Variants in ERBB4 observed in about 807,000 individuals in gnomAD.
The protein encoded by ERBB4 is receptor tyrosine-protein kinase erbB-4.
ERBB4 carries 42 observed loss-of-function variants against 158.0 expected under a neutral mutation model. That is an observed-to-expected ratio of 0.27 (90% CI 0.21 to 0.34). The LOEUF is 0.34. Among genes scored for constraint, ERBB4 ranks in the 10% least tolerant of loss-of-function variants. The pLI is 1.00. For synonymous variants in ERBB4, 583 were observed against 558.7 expected (o/e 1.04, Z -0.61); for missense variants, 1,333 against 1,624.1 (o/e 0.82, Z 3.08).
At chr2:211,434,606 T>C (rs946723122) in intron 20 of ERBB4, among the ~76,000 whole-genome samples, 4 of 152,156 alleles carry the variant, frequency 2.6e-5, no homozygotes, top group African/African-American at 9.7e-5. Flanking sequence ...CACTCTACAA[T>C]ACAAGAAAAA....
intron 1 of ERBB4, among the ~76,000 whole-genome samples, chr2:212,268,390 CATTA>C (rs1399507528): frequency 6.6e-6 from 1 of 151,846 alleles, no homozygotes; most frequent in Non-Finnish European, 1.5e-5. Flanking sequence ...CTCTTTGAAA[CATTA>C]ATTTTCGTAT....
At chr2:211,522,760 T>A (rs1450918393) in intron 20 of ERBB4, among the ~76,000 whole-genome samples, 1 of 152,152 alleles carries the variant, frequency 6.6e-6, no homozygotes, top group African/African-American at 2.4e-5. Flanking sequence ...CATTCTCTTT[T>A]TTTAGCAATA....
intron 14 of ERBB4, among the ~76,000 whole-genome samples, chr2:211,666,708 T>C (rs1327475787): frequency 6.6e-6 from 1 of 152,198 alleles, no homozygotes; most frequent in Non-Finnish European, 1.5e-5. Context: ...TTGGACACCA[T>C]ATTGTCTTAA....
At chr2:211,838,891 T>G (rs1355826101) in intron 3 of ERBB4, among the ~76,000 whole-genome samples, 6 of 152,074 alleles carry the variant, frequency 3.9e-5, no homozygotes, top group Non-Finnish European at 8.8e-5. Context: ...CTCTGATTTT[T>G]CACCCAAGGA....
chr2:211,415,033 TTTA>T (rs1228288657), intron 25 of ERBB4, among the ~76,000 whole-genome samples: 2 of 151,460 alleles, frequency 1.3e-5, no homozygotes, highest in Non-Finnish European at 2.9e-5. Context: ...TATTACTATT[TTTA>T]TTATTTCATA....
intron 19 of ERBB4, among the ~76,000 whole-genome samples, chr2:211,585,940 G>A (rs1466661345): frequency 6.6e-6 from 1 of 152,146 alleles, no homozygotes; most frequent in Non-Finnish European, 1.5e-5. Flanking sequence ...TACTGAGATT[G>A]GGATTATCAT....
chr2:211,748,298 T>C (rs2075032010), intron 5 of ERBB4, among the ~76,000 whole-genome samples: 1 of 152,156 alleles, frequency 6.6e-6, no homozygotes, highest in South Asian at 2.1e-4. Flanking sequence ...TAATTAATAG[T>C]GTTATTGAAT....
intron 16 of ERBB4, among the ~76,000 whole-genome samples, chr2:211,648,645 G>A (rs371079214): frequency 5.3e-5 from 8 of 151,782 alleles, no homozygotes; most frequent in African/African-American, 1.7e-4. Context: ...TTTTTCTTGG[G>A]AGAAATCACT....
chr2:212,413,124 T>C (rs376203314), intron 1 of ERBB4, among the ~76,000 whole-genome samples: 3 of 147,650 alleles, frequency 2.0e-5, no homozygotes, highest in East Asian at 2.0e-4. Context: ...CACACCACCA[T>C]GCGTGGCTAA....
chr2:211,452,906 C>A (rs1451105293), intron 20 of ERBB4, among the ~76,000 whole-genome samples: 6 of 152,112 alleles, frequency 3.9e-5, no homozygotes, highest in Non-Finnish European at 5.9e-5. Flanking sequence ...ATGTGTGATT[C>A]CATCTCAACA....
intron 1 of ERBB4, among the ~76,000 whole-genome samples, chr2:212,325,950 G>C (rs760797702): frequency 1.3e-5 from 2 of 150,454 alleles, no homozygotes; most frequent in Non-Finnish European, 3.0e-5. Flanking sequence ...CTATTACCAA[G>C]ACATGCCCAA....
At chr2:212,480,111 G>A (rs1347932255) in intron 1 of ERBB4, among the ~76,000 whole-genome samples, 1 of 152,048 alleles carries the variant, frequency 6.6e-6, no homozygotes, top group East Asian at 1.9e-4. Flanking sequence ...CTGTCTCTAG[G>A]CAAGTGAACA....
At chr2:212,326,921 G>C (rs1473637110) in intron 1 of ERBB4, among the ~76,000 whole-genome samples, 1 of 150,910 alleles carries the variant, frequency 6.6e-6, no homozygotes, top group Non-Finnish European at 1.5e-5. Context: ...CAGGAACGAA[G>C]GAATTCTAAC....
At position 211,433,177 on chromosome 2, in the gene ERBB4, A is replaced by G. The variant is rs116403886; in HGVS notation, c.2488-2077T>C. 2.4e-3 allele frequency among the ~76,000 whole-genome samples: 372 copies of G among 152,352 alleles called. 2 individuals are homozygous for G. The highest frequency in any genetic ancestry group is 8.5e-3 in the African/African-American group (354 of 41,580). On this transcript the variant is annotated intron_variant, in intron 20 of 27. Coordinates refer to ENST00000342788, the MANE Select transcript of ERBB4 (RefSeq NM_005235.3). ...GGACAGTGGTGAGCAGTGAAACTGA[A>G]AACAAAAGAAGAGGCAGGGTCCAAG...
rs11300609 is a variant in ERBB4, at chr2:211,435,963, G to GT, written c.2488-4864dup. Reference sequence around the variant, plus strand: ...GTGGTCATACAGTTTTGTTTTCTTTGTTTTTTTTTTTGAGACAAGGTCTAG... The same window carrying GT: ...GTGGTCATACAGTTTTGTTTTCTTTGTTTTTTTTTTTTGAGACAAGGTCTAG... On this transcript the variant is annotated intron_variant, in intron 20 of 27. Transcript: ENST00000342788. 2.8e-3 allele frequency among the ~76,000 whole-genome samples: 421 copies of GT among 150,034 alleles called. 2 individuals are homozygous for GT. The highest frequency in any genetic ancestry group is 8.4e-3 in the African/African-American group (344 of 40,778).
intron 20 of ERBB4, among the ~76,000 whole-genome samples, chr2:211,549,018 T>C (rs1300654003): frequency 6.6e-6 from 1 of 152,058 alleles, no homozygotes; most frequent in Admixed American, 6.6e-5. Flanking sequence ...TGGGCTGGGT[T>C]CTCTCTGCGT....
chr2:212,168,989 T>C (rs1198402159), intron 1 of ERBB4, among the ~76,000 whole-genome samples: 4 of 152,184 alleles, frequency 2.6e-5, no homozygotes, highest in African/African-American at 7.2e-5. Context: ...ATTTTACCTA[T>C]AAATAGATAA....
intron 25 of ERBB4, among the ~76,000 whole-genome samples, chr2:211,419,722 A>C (rs1220317119): frequency 6.6e-6 from 1 of 152,062 alleles, no homozygotes; most frequent in Non-Finnish European, 1.5e-5. Flanking sequence ...TTAAATGTAT[A>C]CTAATGCTTC....
intron 1 of ERBB4, among the ~76,000 whole-genome samples, chr2:212,438,431 T>C (rs901724725): frequency 8.6e-5 from 13 of 151,828 alleles, no homozygotes; most frequent in Non-Finnish European, 1.8e-4. Flanking sequence ...AACTATAAGC[T>C]CCTTGACGGT....
Sources: gnomAD v4.1 joint callset for allele counts (sites outside exome capture counted in the v4.1 genomes callset) on GRCh38, gnomAD v4.1.1 for gene constraint, MANE v1.5 for transcripts, NCBI Gene and HGNC (gene_info 2026-07-23, HGNC 2026-07-21) for gene names.